Variants in SGCZ observed in about 807,000 individuals in gnomAD.
The protein encoded by SGCZ is sarcoglycan zeta, also known as zeta-sarcoglycan.
In SGCZ, 40 loss-of-function variants were observed where a neutral mutation model predicts 41.3. The observed-to-expected ratio is 0.97, with a 90% CI of 0.75 to 1.26. The LOEUF is 1.26. Among genes scored for constraint, SGCZ ranks in the 50% most tolerant of loss-of-function variants. SGCZ has a pLI of 0.00. For synonymous variants in SGCZ, 206 were observed against 137.5 expected (o/e 1.50, Z -3.49); for missense variants, 552 against 369.8 (o/e 1.49, Z -4.04).
intron 2 of SGCZ, among the ~76,000 whole-genome samples, chr8:14,365,414 G>A (rs11996350): frequency 0.047 from 7,142 of 151,988 alleles, 554 homozygotes; most frequent in African/African-American, 0.16. Context: ...AACTAACAAA[G>A]GTTTGATGTA....
chr8:14,254,729 G>C (rs890371921), intron 3 of SGCZ, among the ~76,000 whole-genome samples: 1 of 150,068 alleles, frequency 6.7e-6, no homozygotes, highest in Admixed American at 6.7e-5. Flanking sequence ...ATTTTAGAAT[G>C]TGAAAGACAT....
intron 1 of SGCZ, among the ~76,000 whole-genome samples, chr8:15,215,710 C>G (rs918250926): frequency 6.6e-6 from 1 of 152,226 alleles, no homozygotes; most frequent in East Asian, 1.9e-4. Flanking sequence ...GGCAGTCTGA[C>G]CCTGCCAAAC....
At chr8:14,777,762 G>C (rs1018137139) in intron 1 of SGCZ, among the ~76,000 whole-genome samples, 4 of 152,158 alleles carry the variant, frequency 2.6e-5, no homozygotes, top group African/African-American at 9.7e-5. Context: ...GAGAGAGACA[G>C]AGACACAGAA....
intron 2 of SGCZ, among the ~76,000 whole-genome samples, chr8:14,483,502 T>C (rs186269390): frequency 6.1e-4 from 93 of 152,302 alleles, no homozygotes; most frequent in African/African-American, 2.1e-3. Flanking sequence ...GCCCAGGAAG[T>C]CAAGGCTATA....
At chr8:14,529,087 C>A (rs527710737) in intron 2 of SGCZ, among the ~76,000 whole-genome samples, 1 of 152,164 alleles carries the variant, frequency 6.6e-6, no homozygotes, top group East Asian at 1.9e-4. Context: ...ACTTTTATGA[C>A]CAATCATTAT....
chr8:15,152,278 G>T (rs1799198248), intron 1 of SGCZ, among the ~76,000 whole-genome samples: 1 of 152,144 alleles, frequency 6.6e-6, no homozygotes, highest in Non-Finnish European at 1.5e-5. Context: ...AAAACATGAT[G>T]AACTAAGGGT....
intron 1 of SGCZ, among the ~76,000 whole-genome samples, chr8:14,855,329 C>T (rs1016874361): frequency 9.2e-5 from 14 of 152,074 alleles, no homozygotes; most frequent in African/African-American, 3.1e-4. Flanking sequence ...GGATTTCAGG[C>T]GTGAGCCACT....
At chr8:15,137,950 T>C (rs544092051) in intron 1 of SGCZ, among the ~76,000 whole-genome samples, 2 of 152,196 alleles carry the variant, frequency 1.3e-5, no homozygotes, top group East Asian at 3.9e-4. Flanking sequence ...GCTTGCACTG[T>C]GTGCCTGGAA....
At chr8:14,398,458 C>G (rs73664345) in intron 2 of SGCZ, among the ~76,000 whole-genome samples, 25,751 of 152,002 alleles carry the variant, frequency 0.17, 5,169 homozygotes, top group African/African-American at 0.48. Flanking sequence ...TTATTCATAA[C>G]GTGGCCAGCC....
chr8:14,867,530 T>C (rs1234486426), intron 1 of SGCZ, among the ~76,000 whole-genome samples: 3 of 152,174 alleles, frequency 2.0e-5, no homozygotes, highest in Non-Finnish European at 4.4e-5. Context: ...ATTGCCACTC[T>C]TTCCTCCACA....
chr8:14,415,456 T>C lies in SGCZ; in HGVS notation c.235-91252A>G, dbSNP rs551291548. The stretch of plus-strand genomic sequence containing the variant: ...TGTGAATGATGAATGCATATTTTAA[T>C]AAAAAGACAAATTGCCATAGGTCCT... On this transcript the variant is annotated intron_variant, in intron 2 of 7. Transcript: ENST00000382080. Among the ~76,000 whole-genome samples the C allele has an allele frequency of 7.9e-5, 12 of 151,948 alleles. No homozygotes were observed. The East Asian group carries it at 2.1e-3, about 27-fold the overall frequency.
chr8:14,484,711 T>C (rs1801626560), intron 2 of SGCZ, among the ~76,000 whole-genome samples: 1 of 152,186 alleles, frequency 6.6e-6, no homozygotes, highest in Admixed American at 6.5e-5. Flanking sequence ...TTTGAATCAA[T>C]TTTAAAATAT....
chr8:15,172,301 A>G (rs1799863984), intron 1 of SGCZ, among the ~76,000 whole-genome samples: 1 of 150,142 alleles, frequency 6.7e-6, no homozygotes, highest in Admixed American at 6.6e-5. Context: ...AGCTGGGACT[A>G]CAGGCGCGCG....
At chr8:14,346,677 T>A (rs758453108) in intron 2 of SGCZ, among the ~76,000 whole-genome samples, 1 of 151,976 alleles carries the variant, frequency 6.6e-6, no homozygotes, top group Admixed American at 6.6e-5. Flanking sequence ...ACTGAAGCTG[T>A]TTTACATTAT....
rs1016507151 is a variant in SGCZ, at chr8:14,434,288, T to C, written c.235-110084A>G. ...GATCAGTTGGCTGTAAGCATTTGGG[T>C]TTATTTCTGGGTTCTGTATTCTGAT... On this transcript the variant is annotated intron_variant, in intron 2 of 7. Transcript: ENST00000382080. 9.9e-5 allele frequency among the ~76,000 whole-genome samples: 15 copies of C among 152,138 alleles called. 1 individual carries two copies. Among genetic ancestry groups the C allele is most frequent in the Non-Finnish European group, 1.9e-4 (13 of 68,036 alleles).
intron 2 of SGCZ, among the ~76,000 whole-genome samples, chr8:14,404,879 G>T (rs1020289657): frequency 2.0e-5 from 3 of 152,200 alleles, no homozygotes; most frequent in African/African-American, 7.2e-5. Context: ...CTGGGAGCAA[G>T]AGGAGTGGGA....
At chr8:15,104,735 T>C (rs1225284173) in intron 1 of SGCZ, among the ~76,000 whole-genome samples, 2 of 152,140 alleles carry the variant, frequency 1.3e-5, no homozygotes, top group African/African-American at 2.4e-5. Flanking sequence ...TAACAACATA[T>C]AGAAGTGTAC....
At chr8:14,882,102 A>C (rs1019234882) in intron 1 of SGCZ, among the ~76,000 whole-genome samples, 1 of 152,232 alleles carries the variant, frequency 6.6e-6, no homozygotes, top group African/African-American at 2.4e-5. Flanking sequence ...TATAGCACTA[A>C]ATGCTCACAT....
chr8:14,231,134 C>T (rs1806551367), intron 4 of SGCZ, among the ~76,000 whole-genome samples: 1 of 131,724 alleles, frequency 7.6e-6, no homozygotes, highest in African/African-American at 2.9e-5. Context: ...CTTCCTAGTA[C>T]TTTCCTTGCT....
Sources: allele counts gnomAD v4.1 joint callset (sites outside exome capture counted in the v4.1 genomes callset), GRCh38; gene constraint gnomAD v4.1.1; transcripts MANE v1.5; gene names NCBI Gene and HGNC (gene_info 2026-07-23, HGNC 2026-07-21).